VAV2: variants seen among roughly 807,000 people sequenced by gnomAD.
VAV2 encodes vav guanine nucleotide exchange factor 2.
In VAV2, 67 loss-of-function variants were observed where a neutral mutation model predicts 132.5. The ratio of observed to expected loss-of-function variants is 0.51; its 90% confidence interval spans 0.42 to 0.62. The LOEUF (loss-of-function observed/expected upper bound fraction) is 0.62. Among genes scored for constraint, VAV2 ranks in the 20% least tolerant of loss-of-function variants. The probability of loss-of-function intolerance (pLI) is 0.00; values close to 1 mark genes in which losing one functional copy is unlikely to be tolerated. For missense variants in VAV2, 938 were observed against 1,153.6 expected (o/e 0.81, Z 2.71); for synonymous variants, 492 against 443.5 (o/e 1.11, Z -1.37).
chr9:133,911,048 C>T (rs1321211415), intron 2 of VAV2, among the ~76,000 whole-genome samples: 2 of 152,140 alleles, frequency 1.3e-5, no homozygotes, highest in African/African-American at 4.8e-5. Flanking sequence ...CAGCTCCTGG[C>T]CAGGCTACAT....
chr9:133,775,504 C>T (rs1011397534), intron 24 of VAV2, among the ~76,000 whole-genome samples: 2 of 152,188 alleles, frequency 1.3e-5, no homozygotes, highest in Non-Finnish European at 2.9e-5. Flanking sequence ...ACATCCATGT[C>T]AGTTGAATTT....
At chr9:133,775,128 G>T in intron 24 of VAV2, 77 bp from the exon 25 acceptor site, 1 of 1,259,066 alleles carries the variant, frequency 7.9e-7, no homozygotes, top group Non-Finnish European at 1.1e-6. Flanking sequence ...TCCGTGCGTG[G>T]CAGGCCACAT....
intron 4 of VAV2, among the ~76,000 whole-genome samples, chr9:133,818,845 TG>T (rs1229452033): frequency 2.6e-5 from 4 of 152,104 alleles, no homozygotes; most frequent in Non-Finnish European, 5.9e-5. Context: ...GGACCCGAGA[TG>T]CTATGAACGA....
intron 12 of VAV2, among the ~76,000 whole-genome samples, chr9:133,792,838 C>T (rs3824561): frequency 0.5 from 75,898 of 151,770 alleles, 19,107 homozygotes; most frequent in South Asian, 0.56. Context: ...ACACACTGAC[C>T]GAGAGCCACA....
In VAV2 at chr9:133,926,105, G is replaced by A. The variant is rs1417754133; in HGVS notation, c.321+12998C>T. The A allele has an allele frequency of 6.6e-6, 1 of 150,552 alleles. No homozygotes were observed. Among genetic ancestry groups the A allele is most frequent in the East Asian group, 2.0e-4 (1 of 5,094 alleles). 9.3% of individuals were successfully genotyped at this position (150,552 alleles called of 1,614,324 possible). On this transcript the variant is annotated intron_variant, in intron 2 of 29. Transcript: ENST00000371850. This position sits in a 1 kb window ranked among gnomAD's most constrained non-coding sequence, Gnocchi z 4.3. ...ACGGGGTGGGGACTCACAGGAAAGAGAAGTGACAAAGACCCACCCAAGAGG... is the reference window on the plus strand; with the variant it reads ...ACGGGGTGGGGACTCACAGGAAAGAAAAGTGACAAAGACCCACCCAAGAGG...
chr9:133,807,817 G>A (rs1280636753), intron 7 of VAV2, among the ~76,000 whole-genome samples: 1 of 152,234 alleles, frequency 6.6e-6, no homozygotes, highest in Non-Finnish European at 1.5e-5. Flanking sequence ...GCAGGCTGTG[G>A]ACGAGAGTCC....
chr9:133,817,448 T>C (rs1400163387), intron 4 of VAV2, among the ~76,000 whole-genome samples: 1 of 151,748 alleles, frequency 6.6e-6, no homozygotes, highest in African/African-American at 2.4e-5. Context: ...AGGTCAGGAG[T>C]TCGAGGCCAG....
At chr9:133,947,557 G>A (rs1340109960) in intron 1 of VAV2, among the ~76,000 whole-genome samples, 2 of 151,948 alleles carry the variant, frequency 1.3e-5, no homozygotes, top group Non-Finnish European at 2.9e-5. Context: ...AAATTAGCCA[G>A]GCGTGGTGGC....
chr9:133,841,540 G>A (rs997475122), intron 3 of VAV2, among the ~76,000 whole-genome samples: 1 of 152,108 alleles, frequency 6.6e-6, no homozygotes, highest in Non-Finnish European at 1.5e-5. Flanking sequence ...GCTCGTCCTG[G>A]AGTGAGTGTC....
At chr9:133,901,867 C>T (rs1839456185) in intron 2 of VAV2, among the ~76,000 whole-genome samples, 1 of 152,246 alleles carries the variant, frequency 6.6e-6, no homozygotes, top group African/African-American at 2.4e-5. Context: ...CAATGTGCCA[C>T]CACCATCGGA....
At chr9:133,985,888 A>G (rs1325048531) in intron 1 of VAV2, among the ~76,000 whole-genome samples, 1 of 152,184 alleles carries the variant, frequency 6.6e-6, no homozygotes, top group Admixed American at 6.5e-5. Flanking sequence ...TGCATGGAAT[A>G]AAATAGGAAA....
intron 1 of VAV2, among the ~76,000 whole-genome samples, chr9:133,947,769 C>T (rs575392612): frequency 2.0e-5 from 3 of 151,900 alleles, no homozygotes; most frequent in Admixed American, 1.3e-4. Flanking sequence ...CAGGCCATCA[C>T]CAGGGCCCCC....
At position 133,969,655 on chromosome 9, in the gene VAV2, C is replaced by T. The variant is rs1306118223; in HGVS notation, c.204+22420G>A. On this transcript the variant is annotated intron_variant, in intron 1 of 29. Transcript: ENST00000371850. The surrounding 1 kb of genome is among the most constrained non-coding windows in gnomAD (Gnocchi z 5.1). ...ACTCCAGATGAGCCCCACTGTCCAT[C>T]GCACTGCTCAAGCCTGACCCCAGAG... Among the ~76,000 whole-genome samples the T allele has an allele frequency of 6.6e-6, 1 of 152,138 alleles. No homozygotes were observed. Among genetic ancestry groups the T allele is most frequent in the Admixed American group, 6.5e-5 (1 of 15,280 alleles).
Position 133,992,089 on chromosome 9 carries a change from G to T in VAV2, c.190C>A (p.Pro64Thr), listed in dbSNP as rs764386956. 6 of 1,579,086 alleles carry T rather than the reference G, an allele frequency of 3.8e-6. No individual in the cohort carries two copies. In the African/African-American group the frequency reaches 8.4e-5, roughly 22 times the overall value. Residue 64 changes from proline to threonine, a missense_variant, in exon 1 of 30, where the codon CCG (proline) becomes ACG (threonine). Pro to Thr is a conservative substitution (Grantham distance 38, BLOSUM62 -1). Transcript: ENST00000371850. The surrounding 1 kb of genome is among the most constrained non-coding windows in gnomAD (Gnocchi z 5.5). ...SIDLKDINFR[P>T]QMSQFLCLKN... ...CGGGCGCTCACCTGGGACATCTGCG[G>T]CCGGAAGTTGATGTCCTTGAGGTCG... is the stretch of plus-strand genomic sequence containing the variant.
intron 2 of VAV2, among the ~76,000 whole-genome samples, chr9:133,870,004 A>AT (rs199576915): frequency 4.8e-4 from 73 of 151,376 alleles, no homozygotes; most frequent in African/African-American, 1.1e-3. Context: ...GTTATCCTTC[A>AT]TTTTTTTTTC....
chr9:133,797,054 C>T (rs1464703996), intron 10 of VAV2, among the ~76,000 whole-genome samples: 1 of 152,210 alleles, frequency 6.6e-6, no homozygotes, highest in Non-Finnish European at 1.5e-5. Flanking sequence ...GCTGCCTCCA[C>T]CACTGCTAGA....
intron 2 of VAV2, among the ~76,000 whole-genome samples, chr9:133,904,974 C>T (rs1471142559): frequency 6.6e-6 from 1 of 152,360 alleles, no homozygotes; most frequent in Non-Finnish European, 1.5e-5. Context: ...GCAGGGAGCG[C>T]TTGGGACACT....
intron 2 of VAV2, among the ~76,000 whole-genome samples, chr9:133,901,593 C>T (rs73662325): frequency 0.015 from 2,230 of 152,340 alleles, 48 homozygotes; most frequent in African/African-American, 0.051. Context: ...GGGAGGCTGG[C>T]CCTGAGCCGC....
At chr9:133,923,482 G>T (rs1231462161) in intron 2 of VAV2, among the ~76,000 whole-genome samples, 2 of 152,174 alleles carry the variant, frequency 1.3e-5, no homozygotes, top group African/African-American at 4.8e-5. Flanking sequence ...TCATTAAAAA[G>T]TCAGGAAACA....
Sources: allele counts gnomAD v4.1 joint callset (sites outside exome capture counted in the v4.1 genomes callset), GRCh38; gene constraint gnomAD v4.1.1; non-coding constraint Gnocchi (gnomAD v3.1); transcripts MANE v1.5; gene names NCBI Gene and HGNC (gene_info 2026-07-23, HGNC 2026-07-21).